TP53RK: variants seen among roughly 807,000 people sequenced by gnomAD.
The protein encoded by TP53RK is EKC/KEOPS complex subunit TP53RK.
A neutral mutation model predicts 14.9 loss-of-function variants in TP53RK; 17 were observed. That is an observed-to-expected ratio of 1.14 (90% CI 0.78 to 1.71). TP53RK has a LOEUF of 1.71. TP53RK is among the 40% of genes most tolerant of loss of function. TP53RK has a pLI of 0.00. For synonymous variants in TP53RK, 131 were observed against 138.0 expected (o/e 0.95, Z 0.36); for missense variants, 343 against 332.0 (o/e 1.03, Z -0.26).
chr20:46,689,119 C>G lies in TP53RK; in HGVS notation c.283+13G>C. ...CTCGGGGCCGCCCACGCCGGGATCCCGGCCCACCTTACCAGCGCGGCGACA... is the reference window on the plus strand; with the variant it reads ...CTCGGGGCCGCCCACGCCGGGATCCGGGCCCACCTTACCAGCGCGGCGACA... On this transcript the variant is annotated intron_variant, in intron 1 of 1. Coordinates refer to ENST00000372114, the MANE Select transcript of TP53RK (RefSeq NM_033550.4). 1 of 1,373,578 alleles carries G rather than the reference C, an allele frequency of 7.3e-7. No homozygotes were observed. The highest frequency in any genetic ancestry group is 9.4e-7 in the Non-Finnish European group (1 of 1,069,516). 85.1% of individuals were successfully genotyped at this position (1,373,578 alleles called of 1,614,324 possible).
In TP53RK at chr20:46,684,450, A is replaced by T. The variant is rs2063170660; in HGVS notation, c.*2303T>A. On this transcript the variant is annotated 3_prime_UTR_variant, in exon 2 of 2. Coordinates refer to ENST00000372114, the MANE Select transcript of TP53RK (RefSeq NM_033550.4). Reference sequence around the variant, plus strand: ...AACTTATAATCATGGCAGATGGGGAAACAAACACACCCTTCTCCACGTGGC... The same window carrying T: ...AACTTATAATCATGGCAGATGGGGATACAAACACACCCTTCTCCACGTGGC... 6.6e-6 allele frequency: 1 copy of T among 152,228 alleles called. No individual in the cohort carries two copies. The highest frequency in any genetic ancestry group is 2.1e-4 in the South Asian group (1 of 4,830). 9.4% of individuals were successfully genotyped at this position (152,228 alleles called of 1,614,324 possible).
chr20:46,686,943 G>A lies in TP53RK; in HGVS notation c.572C>T (p.Ala191Val). Residue 191 changes from alanine to valine, a missense_variant, in exon 2 of 2, where the codon GCA becomes GTA. Ala to Val is a moderately conservative substitution (Grantham distance 64). Coordinates refer to ENST00000372114, the MANE Select transcript of TP53RK (RefSeq NM_033550.4). Reference protein sequence around the residue: ...LIDFGLSFISALPEDKGVDLY... With the variant: ...LIDFGLSFISVLPEDKGVDLY... ...GTCTACTCCCTTATCCTCTGGAAGT[G>A]CTGAAATGAAACTCAGCCCAAAGTC... 1 of 1,614,142 alleles carries A rather than the reference G, an allele frequency of 6.2e-7. No homozygotes were observed. The highest frequency in any genetic ancestry group is 1.7e-5 in the Admixed American group (1 of 60,026).
Position 46,689,169 on chromosome 20 carries a change from C to T in TP53RK, c.246G>A (p.Val82=). 1 of 1,510,076 alleles carries T rather than the reference C, an allele frequency of 6.6e-7. No individual in the cohort carries two copies. The highest frequency in any genetic ancestry group is 8.8e-7 in the Non-Finnish European group (1 of 1,136,398). The allele number at this position is 1,510,076 out of a possible 1,614,324, so 93.5% of individuals were successfully genotyped here. The change falls in exon 1 of 2, where the codon GTG becomes GTA. Residue 82 remains valine, a synonymous_variant. Transcript: ENST00000372114. Reference sequence around the variant, plus strand: ...AGCGGAGGAGCGCCCGGGCCTCCTGCACCGTCCGCCGTCTGCCAAGCCGCG... The same window carrying T: ...AGCGGAGGAGCGCCCGGGCCTCCTGTACCGTCCGCCGTCTGCCAAGCCGCG... ...LEARLGRRRT[V]QEARALLRCR... is the part of the protein sequence containing the mutation.
At chr20:46,687,289 T>C in intron 1 of TP53RK, 58 bp from the exon 2 acceptor site, 8 of 1,418,820 alleles carry the variant, frequency 5.6e-6, no homozygotes, top group South Asian at 1.4e-5. Flanking sequence ...GTAAACTTAA[T>C]TTTCAAAGAT....
rs1304815614 is a variant in TP53RK at position 46,689,179 on chromosome 20, C to T, written c.236G>A (p.Arg79Gln). 6.6e-7 allele frequency: 1 copy of T among 1,516,298 alleles called. No homozygotes were observed. The highest frequency in any genetic ancestry group is 2.0e-5 in the Admixed American group (1 of 49,602). The allele number at this position is 1,516,298 out of a possible 1,614,324, so 93.9% of individuals were successfully genotyped here. A position where few individuals can be genotyped will look rare whatever the true frequency, so the allele number is the denominator to read the frequency against. Residue 79 changes from arginine (R) to glutamine (Q), a missense_variant, in exon 1 of 2, where the codon CGG becomes CAG. Arg to Gln is a conservative substitution (Grantham distance 43, BLOSUM62 1). Transcript: ENST00000372114. ...CGCCCGGGCCTCCTGCACCGTCCGC[C>T]GTCTGCCAAGCCGCGCCTCCAGCGC... is the stretch of plus-strand genomic sequence containing the variant. ...HPALEARLGR[R>Q]RTVQEARALL...
intron 1 of TP53RK, among the ~76,000 whole-genome samples, chr20:46,688,643 C>T (rs1242579563): frequency 6.6e-6 from 1 of 152,256 alleles, no homozygotes; most frequent in African/African-American, 2.4e-5. Context: ...GCTACTATGT[C>T]TCCCATTTTA....
chr20:46,688,929 G>C (rs1361875810), intron 1 of TP53RK, among the ~76,000 whole-genome samples: 3 of 152,266 alleles, frequency 2.0e-5, no homozygotes, highest in Non-Finnish European at 4.4e-5. Flanking sequence ...ACAAAAGCTT[G>C]ACGCTGCATG....
intron 1 of TP53RK, among the ~76,000 whole-genome samples, chr20:46,687,596 T>A (rs940261665): frequency 2.0e-5 from 3 of 151,152 alleles, no homozygotes; most frequent in Non-Finnish European, 4.4e-5. Context: ...GGCAGGCGGA[T>A]CACTTGAGGT....
At position 46,687,089 on chromosome 20, in the gene TP53RK, T is replaced by G; in HGVS notation, c.426A>C (p.Leu142Phe). 6.2e-7 allele frequency: 1 copy of G among 1,614,180 alleles called. No homozygotes were observed. Among genetic ancestry groups the G allele is most frequent in the Non-Finnish European group, 8.5e-7 (1 of 1,180,040 alleles). Reference sequence around the variant, plus strand: ...CCAAAACCTGCCCAATTGTCTTGGCTAAGTTGGAGAGACCCTGGGGAGTTT... The same window carrying G: ...CCAAAACCTGCCCAATTGTCTTGGCGAAGTTGGAGAGACCCTGGGGAGTTT... ...TEKTPQGLSN[L>F]AKTIGQVLAR... The change falls in exon 2 of 2, where the codon TTA (leucine) becomes TTC (phenylalanine). Residue 142 changes from leucine (L) to phenylalanine (F), a missense_variant. Coordinates refer to ENST00000372114, the MANE Select transcript of TP53RK (RefSeq NM_033550.4).
Position 46,689,183 on chromosome 20 carries a change from T to C in TP53RK, c.232A>G (p.Arg78Gly). 1 of 1,518,856 alleles carries C rather than the reference T, an allele frequency of 6.6e-7. No individual in the cohort carries two copies. Among genetic ancestry groups the C allele is most frequent in the Non-Finnish European group, 8.8e-7 (1 of 1,140,262 alleles). 94.1% of individuals were successfully genotyped at this position (1,518,856 alleles called of 1,614,324 possible). A position where few individuals can be genotyped will look rare whatever the true frequency, so the allele number is the denominator to read the frequency against. The part of the protein sequence containing the change: ...RHPALEARLG[R>G]RRTVQEARAL... ...CGGGCCTCCTGCACCGTCCGCCGTC[T>C]GCCAAGCCGCGCCTCCAGCGCCGGG... The change falls in exon 1 of 2, where the codon AGA becomes GGA. Residue 78 changes from arginine to glycine, a missense_variant. Coordinates refer to ENST00000372114, the MANE Select transcript of TP53RK (RefSeq NM_033550.4).
rs770660749 is a variant in TP53RK, at chr20:46,689,441, G to A, written c.-27C>T. On this transcript the variant is annotated 5_prime_UTR_variant, in exon 1 of 2. Coordinates refer to ENST00000372114, the MANE Select transcript of TP53RK (RefSeq NM_033550.4). Reference sequence around the variant, plus strand: ...ACTGCTCGGCGCAACAGCTCCAACCGATCAGCTGTCTCTGAAAACTGTCGC... The same window carrying A: ...ACTGCTCGGCGCAACAGCTCCAACCAATCAGCTGTCTCTGAAAACTGTCGC... The A allele has an allele frequency of 6.7e-6, 10 of 1,494,138 alleles. No homozygotes were observed. Among genetic ancestry groups the A allele is most frequent in the Non-Finnish European group, 8.8e-6 (10 of 1,133,042 alleles). The allele number at this position is 1,494,138 out of a possible 1,614,324, so 92.6% of individuals were successfully genotyped here.
In TP53RK at chr20:46,684,424, A is replaced by T. The variant is rs2063170374; in HGVS notation, c.*2329T>A. On this transcript the variant is annotated 3_prime_UTR_variant, in exon 2 of 2. Transcript: ENST00000372114. The stretch of plus-strand genomic sequence containing the variant: ...TCAGCATGGCTGGGGATGCCTCAGA[A>T]AACTTATAATCATGGCAGATGGGGA... 6.6e-6 allele frequency: 1 copy of T among 152,210 alleles called. No individual in the cohort carries two copies. The highest frequency in any genetic ancestry group is 6.5e-5 in the Admixed American group (1 of 15,284). The allele number at this position is 152,210 out of a possible 1,614,324, so 9.4% of individuals were successfully genotyped here.
chr20:46,687,706 G>A (rs2063187158), intron 1 of TP53RK, among the ~76,000 whole-genome samples: 1 of 152,234 alleles, frequency 6.6e-6, no homozygotes, highest in African/African-American at 2.4e-5. Flanking sequence ...TGAGGCAGGA[G>A]AATAGCTTGA....
Position 46,686,450 on chromosome 20 carries a change from G to A in TP53RK, c.*303C>T, listed in dbSNP as rs1041412442. On this transcript the variant is annotated 3_prime_UTR_variant, in exon 2 of 2. Coordinates refer to ENST00000372114, the MANE Select transcript of TP53RK (RefSeq NM_033550.4). ...CTGAGACTTCATCCTTGTCTCACAA[G>A]GACTAAAAAGAGAATAATGTTCTCA... The A allele has an allele frequency of 3.4e-6, 1 of 290,406 alleles. No individual in the cohort carries two copies. Among genetic ancestry groups the A allele is most frequent in the Non-Finnish European group, 6.5e-6 (1 of 154,532 alleles). The allele number at this position is 290,406 out of a possible 1,614,324, so 18.0% of individuals were successfully genotyped here.
At position 46,686,323 on chromosome 20, in the gene TP53RK, G is replaced by A. The variant is rs188643778; in HGVS notation, c.*430C>T. On this transcript the variant is annotated 3_prime_UTR_variant, in exon 2 of 2. Transcript: ENST00000372114. ...TATTTCATTTTTTAAAATGCTGGTTGTATCCCATTAAACTGGTTTCAAAAT... is the reference window on the plus strand; with the variant it reads ...TATTTCATTTTTTAAAATGCTGGTTATATCCCATTAAACTGGTTTCAAAAT... 1.1e-4 allele frequency: 19 copies of A among 166,712 alleles called. No homozygotes were observed. The East Asian group carries it at 3.0e-3, about 26-fold the overall frequency. 10.3% of individuals were successfully genotyped at this position (166,712 alleles called of 1,614,324 possible). A position where few individuals can be genotyped will look rare whatever the true frequency, so the allele number is the denominator to read the frequency against.
chr20:46,687,937 GCTTTT>G (rs1271808096), intron 1 of TP53RK, among the ~76,000 whole-genome samples: 1 of 152,188 alleles, frequency 6.6e-6, no homozygotes, highest in African/African-American at 2.4e-5. Context: ...AATCCCAGCT[GCTTTT>G]CTTATTAGTT....
rs185257680 is a variant in TP53RK at position 46,687,973 on chromosome 20, T to C, written c.284-742A>G. 2.9e-3 allele frequency among the ~76,000 whole-genome samples: 439 copies of C among 152,304 alleles called. 4 individuals are homozygous for C. The highest frequency in any genetic ancestry group is 0.01 in the African/African-American group (425 of 41,564). On this transcript the variant is annotated intron_variant, in intron 1 of 1. Transcript: ENST00000372114. ...TAGTTGTCTAATCTAATCTTAAAATTACATTAACTTCTCTAAGCCTCAGTT... is the reference window on the plus strand; with the variant it reads ...TAGTTGTCTAATCTAATCTTAAAATCACATTAACTTCTCTAAGCCTCAGTT...
Position 46,686,905 on chromosome 20 carries a change from C to A in TP53RK, c.610G>T (p.Glu204Ter). 6.2e-7 allele frequency: 1 copy of A among 1,614,132 alleles called. No individual in the cohort carries two copies. Residue 204 changes from glutamate to a stop codon, truncating the protein, a stop_gained, in exon 2 of 2, where the codon GAG (glutamate) becomes TAG (stop). Transcript: ENST00000372114. LOFTEE classifies it high-confidence loss of function. Reference protein sequence around the residue: ...EDKGVDLYVLEKAFLSTHPNT... With the variant: ...EDKGVDLYVL The stretch of plus-strand genomic sequence containing the variant: ...GGATGGGTACTGAGGAAGGCCTTCT[C>A]CAGGACATAGAGGTCTACTCCCTTA...
Position 46,689,281 on chromosome 20 carries a change from G to C in TP53RK, c.134C>G (p.Ala45Gly), listed in dbSNP as rs927085371. Reference sequence around the variant, plus strand: ...CTGGAAGCGGCCACGGAACACGCGCGCCTCGGCACCCTGCTTCACCAGCTC... The same window carrying C: ...CTGGAAGCGGCCACGGAACACGCGCCCCTCGGCACCCTGCTTCACCAGCTC... ...GLELVKQGAE[A>G]RVFRGRFQGR... is the part of the protein sequence containing the mutation. Residue 45 changes from alanine (A) to glycine (G), a missense_variant, in exon 1 of 2, where the codon GCG becomes GGG. Ala to Gly is a moderately conservative substitution (Grantham distance 60). Transcript: ENST00000372114. 17 of 1,540,826 alleles carry C rather than the reference G, an allele frequency of 1.1e-5. No individual in the cohort carries two copies. The highest frequency in any genetic ancestry group is 1.5e-5 in the Non-Finnish European group (17 of 1,150,032).
Sources: gnomAD v4.1 joint callset for allele counts (sites outside exome capture counted in the v4.1 genomes callset) on GRCh38, gnomAD v4.1.1 for gene constraint, MANE v1.5 for transcripts, NCBI Gene and HGNC (gene_info 2026-07-23, HGNC 2026-07-21) for gene names.